The following ZNF280D variants were observed in gnomAD, a reference collection of about 807,000 sequenced individuals.
ZNF280D encodes zinc finger protein 280D.
Under a neutral mutation model 94.7 loss-of-function variants are expected in ZNF280D, and 39 were observed. The observed-to-expected ratio is 0.41, with a 90% CI of 0.32 to 0.54. The LOEUF (loss-of-function observed/expected upper bound fraction) is 0.54. Ranked by LOEUF, ZNF280D falls within the 20% of genes least tolerant of loss-of-function variation. The probability of loss-of-function intolerance (pLI) is 0.22; values close to 1 mark genes in which losing one functional copy is unlikely to be tolerated. For missense variants in ZNF280D, 1,090 were observed against 1,149.3 expected (o/e 0.95, Z 0.75); for synonymous variants, 398 against 377.6 (o/e 1.05, Z -0.63).
chr15:56,644,187 TAAGCC>T (rs1206084844), intron 19 of ZNF280D, among the ~76,000 whole-genome samples: 2 of 152,040 alleles, frequency 1.3e-5, no homozygotes, highest in Admixed American at 6.6e-5. Flanking sequence ...ACCAACTTGT[TAAGCC>T]AATTAAAATG....
chr15:56,700,699 T>C (rs2057009781), intron 6 of ZNF280D: 2 of 1,437,952 alleles, frequency 1.4e-6, no homozygotes, highest in Non-Finnish European at 1.8e-6. Flanking sequence ...TTTTCATTAC[T>C]GTACCTATTT....
At chr15:56,711,842 T>C (rs1476712886) in intron 1 of ZNF280D, among the ~76,000 whole-genome samples, 2 of 152,236 alleles carry the variant, frequency 1.3e-5, no homozygotes, top group Non-Finnish European at 2.9e-5. Flanking sequence ...GAGTCTACAG[T>C]ACTTACACAA....
At chr15:56,700,890 C>T (rs370564517) in intron 6 of ZNF280D, 43 bp downstream of exon 6, 4 of 1,613,440 alleles carry the variant, frequency 2.5e-6, no homozygotes, top group Admixed American at 3.3e-5. Context: ...AAACAACATC[C>T]AATGGATCCC....
chr15:56,637,166 T>C (rs1033435525), intron 20 of ZNF280D, among the ~76,000 whole-genome samples: 1 of 117,016 alleles, frequency 8.5e-6, no homozygotes, highest in Non-Finnish European at 1.8e-5. Flanking sequence ...TTTTCCAGAA[T>C]GAATTTTTTT....
chr15:56,678,872 G>T (rs777060362), intron 10 of ZNF280D, 51 bp from the exon 11 acceptor site: 5 of 1,419,818 alleles, frequency 3.5e-6, no homozygotes, highest in Non-Finnish European at 4.7e-6. Context: ...AAACAAAAAG[G>T]AAATCTCACA....
chr15:56,710,436 A>T (rs1226164631), intron 1 of ZNF280D, among the ~76,000 whole-genome samples: 2 of 148,978 alleles, frequency 1.3e-5, no homozygotes, highest in Admixed American at 1.3e-4. Flanking sequence ...ATAGCCAGGA[A>T]AAAAAAAAAA....
intron 21 of ZNF280D, 106 bp downstream of exon 21, chr15:56,635,089 T>C: frequency 1.7e-6 from 1 of 594,686 alleles, no homozygotes. Flanking sequence ...TAGCACTATA[T>C]ACAAACATTT....
chr15:56,679,107 T>G (rs7181745), intron 10 of ZNF280D, among the ~76,000 whole-genome samples: 1 of 151,954 alleles, frequency 6.6e-6, no homozygotes, highest in Non-Finnish European at 1.5e-5. Flanking sequence ...ATTTAAAAAA[T>G]TTTTTTAGAT....
intron 6 of ZNF280D, among the ~76,000 whole-genome samples, chr15:56,696,973 CTTTTA>C (rs758087087): frequency 5.9e-5 from 9 of 152,298 alleles, no homozygotes; most frequent in Non-Finnish European, 1.3e-4. Flanking sequence ...CAAACTCTTG[CTTTTA>C]TTTTTTTTCC....
rs1261621587 is a variant in ZNF280D, at chr15:56,666,971, A to C, written c.1561T>G (p.Ser521Ala). 2.5e-6 allele frequency: 4 copies of C among 1,596,918 alleles called. No homozygotes were observed. The highest frequency in any genetic ancestry group is 3.4e-6 in the Non-Finnish European group (4 of 1,171,924). Residue 521 changes from serine to alanine, a missense_variant, in exon 15 of 22, where the codon TCA becomes GCA. Coordinates refer to ENST00000267807, the MANE Select transcript of ZNF280D (RefSeq NM_017661.4). ...GCTCCTGATTGCAGAGGTCCAACTG[A>C]AGCTCGAATAGTAACCTACAAAAAT... ...PPGTKVTIRASVGPLQSGASP... is the reference protein window; with the variant it reads ...PPGTKVTIRAAVGPLQSGASP...
chr15:56,697,126 C>A (rs532632154), intron 6 of ZNF280D, among the ~76,000 whole-genome samples: 1 of 151,962 alleles, frequency 6.6e-6, no homozygotes, highest in Non-Finnish European at 1.5e-5. Flanking sequence ...TTGATTCCAA[C>A]TAATAGCAAA....
At chr15:56,681,823 C>G (rs1320332466) in intron 10 of ZNF280D, among the ~76,000 whole-genome samples, 1 of 151,882 alleles carries the variant, frequency 6.6e-6, no homozygotes, top group African/African-American at 2.4e-5. Flanking sequence ...GATTAATGTT[C>G]TAAAAACTAT....
intron 10 of ZNF280D, among the ~76,000 whole-genome samples, chr15:56,680,291 T>C (rs1171694514): frequency 1.3e-5 from 2 of 152,188 alleles, no homozygotes; most frequent in African/African-American, 2.4e-5. Flanking sequence ...AAATATTATA[T>C]AATACATTTA....
At chr15:56,692,617 CTATT>C (rs769257732) in intron 7 of ZNF280D, among the ~76,000 whole-genome samples, 54 of 152,058 alleles carry the variant, frequency 3.6e-4, no homozygotes, top group Admixed American at 4.6e-4. Context: ...GTACAAATCA[CTATT>C]TATTTATTGT....
At chr15:56,689,007 A>C (rs1002969032) in intron 9 of ZNF280D, 34 bp downstream of exon 9, 3 of 1,467,620 alleles carry the variant, frequency 2.0e-6, no homozygotes, top group Non-Finnish European at 2.8e-6. Context: ...AAATGTGCAA[A>C]CTTTTTACAA....
At position 56,689,488 on chromosome 15, in the gene ZNF280D, G is replaced by A; in HGVS notation, c.500-18C>T. On this transcript the variant is annotated intron_variant, in intron 7 of 21. Coordinates refer to ENST00000267807, the MANE Select transcript of ZNF280D (RefSeq NM_017661.4). Reference sequence around the variant, plus strand: ...ACTCATACCTACAATAATTTAAATAGTGAGAAAAATATTTTTTAAAATTAG... The same window carrying A: ...ACTCATACCTACAATAATTTAAATAATGAGAAAAATATTTTTTAAAATTAG... 2 of 1,411,452 alleles carry A rather than the reference G, an allele frequency of 1.4e-6. No homozygotes were observed. Among genetic ancestry groups the A allele is most frequent in the Non-Finnish European group, 1.9e-6 (2 of 1,054,328 alleles). 87.4% of individuals were successfully genotyped at this position (1,411,452 alleles called of 1,614,324 possible). A position where few individuals can be genotyped will look rare whatever the true frequency, so the allele number is the denominator to read the frequency against.
rs28515859 is a variant in ZNF280D, at chr15:56,669,887, A to T, written c.1411-930T>A. Among the ~76,000 whole-genome samples the T allele has an allele frequency of 3.0e-3, 16 of 5,312 alleles. 5 individuals carry two copies. The highest frequency in any genetic ancestry group is 6.0e-3 in the African/African-American group (15 of 2,496). 3.5% of individuals were successfully genotyped at this position (5,312 alleles called of 152,430 possible). On this transcript the variant is annotated intron_variant, in intron 13 of 21. Transcript: ENST00000267807. ...ATATATATATTTTATATATATATAT[A>T]TTATATATATATATAATATATATAT...
Position 56,733,504 on chromosome 15 carries a change from A to G in ZNF280D, c.-132T>C. On this transcript the variant is annotated 5_prime_UTR_variant, in exon 1 of 22. Transcript: ENST00000267807. ...TGACTGGAGCCCTGAGGAGGAGGAG[A>G]AAGAGGAGGAGGAAAAGGAGGAGCA... 1.7e-6 allele frequency: 2 copies of G among 1,143,860 alleles called. No homozygotes were observed. The highest frequency in any genetic ancestry group is 2.2e-6 in the Non-Finnish European group (2 of 919,010). 70.9% of individuals were successfully genotyped at this position (1,143,860 alleles called of 1,614,324 possible).
chr15:56,712,127 C>T (rs1380938823), intron 1 of ZNF280D, among the ~76,000 whole-genome samples: 1 of 152,168 alleles, frequency 6.6e-6, no homozygotes, highest in Non-Finnish European at 1.5e-5. Context: ...ATCTTCCAGA[C>T]TGTGGCTGTC....
Sources: gnomAD v4.1 joint callset for allele counts (sites outside exome capture counted in the v4.1 genomes callset) on GRCh38, gnomAD v4.1.1 for gene constraint, MANE v1.5 for transcripts, NCBI Gene and HGNC (gene_info 2026-07-23, HGNC 2026-07-21) for gene names.